SLCO5A1: variants seen among roughly 807,000 people sequenced by gnomAD.
SLCO5A1 encodes organic anion transporter polypeptide-related protein 4.
In SLCO5A1, 39 loss-of-function variants were observed where a neutral mutation model predicts 65.1. The observed-to-expected ratio is 0.60, with a 90% CI of 0.46 to 0.78. The LOEUF (loss-of-function observed/expected upper bound fraction) is 0.78. SLCO5A1 is among the 30% of genes least tolerant of loss of function. The pLI is 0.00. For missense variants in SLCO5A1, 1,029 were observed against 1,069.4 expected (o/e 0.96, Z 0.53); for synonymous variants, 438 against 415.7 (o/e 1.05, Z -0.65).
intron 6 of SLCO5A1, among the ~76,000 whole-genome samples, chr8:69,685,689 T>C (rs940793873): frequency 6.6e-6 from 1 of 152,018 alleles, no homozygotes; most frequent in Non-Finnish European, 1.5e-5. Context: ...ATCTCTGAGA[T>C]TATCTGGCAA....
intron 2 of SLCO5A1, among the ~76,000 whole-genome samples, chr8:69,793,687 A>G (rs7010291): frequency 6.6e-6 from 1 of 152,052 alleles, no homozygotes; most frequent in African/African-American, 2.4e-5. Context: ...CTGAGGCACA[A>G]GAATCACTTG....
At chr8:69,693,871 A>C (rs1157248247) in intron 6 of SLCO5A1, among the ~76,000 whole-genome samples, 1 of 152,230 alleles carries the variant, frequency 6.6e-6, no homozygotes, top group Non-Finnish European at 1.5e-5. Flanking sequence ...GACTAGATAG[A>C]TACTATCTGT....
chr8:69,768,646 G>A (rs1396534828), intron 2 of SLCO5A1, among the ~76,000 whole-genome samples: 2 of 152,078 alleles, frequency 1.3e-5, no homozygotes, highest in South Asian at 2.1e-4. Flanking sequence ...CTCTCTACAC[G>A]AGCAGGAAGA....
intron 6 of SLCO5A1, among the ~76,000 whole-genome samples, chr8:69,698,370 C>T (rs1306145656): frequency 6.6e-6 from 1 of 152,150 alleles, no homozygotes; most frequent in Admixed American, 6.5e-5. Flanking sequence ...GGATATATAA[C>T]CAGTAATGGG....
At chr8:69,727,869 G>A (rs1400582201) in intron 5 of SLCO5A1, among the ~76,000 whole-genome samples, 1 of 152,238 alleles carries the variant, frequency 6.6e-6, no homozygotes, top group African/African-American at 2.4e-5. Flanking sequence ...CAGTCTCTCA[G>A]TCTCTTTTCC....
chr8:69,794,527 CT>C, intron 2 of SLCO5A1: 1 of 390,634 alleles, frequency 2.6e-6, no homozygotes. Context: ...TGTCAGCACT[CT>C]TTCAGCTCTC....
intron 5 of SLCO5A1, among the ~76,000 whole-genome samples, chr8:69,723,563 T>C (rs999151598): frequency 3.3e-5 from 5 of 152,048 alleles, no homozygotes; most frequent in African/African-American, 9.7e-5. Context: ...AGTTAACATC[T>C]TTCTCAAAAT....
intron 9 of SLCO5A1, among the ~76,000 whole-genome samples, chr8:69,674,866 A>AC (rs1554604331): frequency 2.0e-5 from 1 of 49,450 alleles, no homozygotes; most frequent in Non-Finnish European, 4.0e-5. Context: ...ACTAAAAAAA[A>AC]AAACAAAAAA....
At chr8:69,732,994 T>G (rs1052470396) in intron 5 of SLCO5A1, among the ~76,000 whole-genome samples, 1 of 151,860 alleles carries the variant, frequency 6.6e-6, no homozygotes, top group African/African-American at 2.4e-5. Flanking sequence ...ACTTAAACCC[T>G]TCTGGCCCTT....
intron 2 of SLCO5A1, among the ~76,000 whole-genome samples, chr8:69,808,272 G>C (rs1408403264): frequency 6.6e-6 from 1 of 151,744 alleles, no homozygotes. Context: ...TCATCACCCA[G>C]GTATTAAGCC....
chr8:69,756,581 A>G (rs1817551064), intron 3 of SLCO5A1, among the ~76,000 whole-genome samples: 1 of 152,236 alleles, frequency 6.6e-6, no homozygotes, highest in Non-Finnish European at 1.5e-5. Context: ...CAAAATGTAT[A>G]TAATTAAATA....
At chr8:69,808,901 T>C (rs1042989598) in intron 2 of SLCO5A1, among the ~76,000 whole-genome samples, 26 of 151,952 alleles carry the variant, frequency 1.7e-4, no homozygotes, top group Admixed American at 1.3e-4. Flanking sequence ...GGTCAGGAGT[T>C]TGAGACCAGC....
intron 6 of SLCO5A1, among the ~76,000 whole-genome samples, chr8:69,704,504 C>T (rs778001091): frequency 3.3e-5 from 5 of 152,128 alleles, no homozygotes; most frequent in Middle Eastern, 3.4e-3. Flanking sequence ...ATTTTAGATA[C>T]AAAAGAGGGA....
chr8:69,807,804 T>C (rs915861488), intron 2 of SLCO5A1, among the ~76,000 whole-genome samples: 2 of 152,142 alleles, frequency 1.3e-5, no homozygotes, highest in Non-Finnish European at 1.5e-5. Context: ...CCCGGGTTCA[T>C]GCCATTCTCC....
intron 4 of SLCO5A1, among the ~76,000 whole-genome samples, chr8:69,746,273 C>T (rs1258682238): frequency 6.6e-6 from 1 of 152,070 alleles, no homozygotes. Context: ...TATTGCCAGG[C>T]ATTTATCTCA....
At chr8:69,809,864 G>A (rs576143953) in intron 2 of SLCO5A1, among the ~76,000 whole-genome samples, 1 of 152,012 alleles carries the variant, frequency 6.6e-6, no homozygotes, top group Non-Finnish European at 1.5e-5. Flanking sequence ...GAGATCGGTA[G>A]CATCATTTGC....
chr8:69,677,576 A>G (rs576385466), intron 8 of SLCO5A1, among the ~76,000 whole-genome samples: 1 of 152,052 alleles, frequency 6.6e-6, no homozygotes, highest in Non-Finnish European at 1.5e-5. Flanking sequence ...CTTTTCCCCA[A>G]TTTCTTTATT....
Position 69,735,196 on chromosome 8 carries a change from A to G in SLCO5A1, c.1423+2844T>C, listed in dbSNP as rs138497323. On this transcript the variant is annotated intron_variant, in intron 5 of 9. Transcript: ENST00000260126. ...CAGATGCTGCCAAGGCTGTAGAGAA[A>G]TAGGAACGCTTTTACACTGTTGGTG... Among the ~76,000 whole-genome samples, 579 of 152,368 alleles carry G rather than the reference A, an allele frequency of 3.8e-3. 14 individuals are homozygous for G. The South Asian group carries it at 0.052, about 14-fold the overall frequency.
chr8:69,686,920 A>T (rs931248148), intron 6 of SLCO5A1, among the ~76,000 whole-genome samples: 3 of 152,158 alleles, frequency 2.0e-5, no homozygotes, highest in Non-Finnish European at 4.4e-5. Context: ...TGAATTTCAG[A>T]TTTTATATTT....
Sources: allele counts gnomAD v4.1 joint callset (sites outside exome capture counted in the v4.1 genomes callset), GRCh38; gene constraint gnomAD v4.1.1; transcripts MANE v1.5; gene names NCBI Gene and HGNC (gene_info 2026-07-23, HGNC 2026-07-21).